Variants in MYO9A observed in about 807,000 individuals in gnomAD.
MYO9A encodes myosin IXA.
A neutral mutation model predicts 293.3 loss-of-function variants in MYO9A; 103 were observed. The observed-to-expected ratio is 0.35, with a 90% CI of 0.30 to 0.41. The LOEUF (loss-of-function observed/expected upper bound fraction) is 0.41, where lower values mean the gene tolerates loss of function less well. Among genes scored for constraint, MYO9A ranks in the 10% least tolerant of loss-of-function variants. The pLI, the probability that MYO9A is intolerant of heterozygous loss-of-function variation, is 1.00. For synonymous variants in MYO9A, 1,001 were observed against 1,035.7 expected (o/e 0.97, Z 0.64); for missense variants, 2,685 against 3,033.0 (o/e 0.89, Z 2.69).
At chr15:72,028,313 T>A (rs763615968) in intron 3 of MYO9A, among the ~76,000 whole-genome samples, 2 of 149,602 alleles carry the variant, frequency 1.3e-5, no homozygotes. Context: ...ATTCATATGG[T>A]CACGAGTCTT....
intron 8 of MYO9A, 92 bp downstream of exon 8, chr15:72,007,734 A>C: frequency 1.7e-6 from 2 of 1,198,804 alleles, no homozygotes; most frequent in South Asian, 3.7e-5. Flanking sequence ...ATTAACAGAA[A>C]GCATTAACCC....
intron 1 of MYO9A, among the ~76,000 whole-genome samples, chr15:72,050,641 A>G (rs1380421415): frequency 2.0e-5 from 3 of 151,132 alleles, no homozygotes; most frequent in Non-Finnish European, 2.9e-5. Context: ...CAAACAAACA[A>G]ACAAAATTTT....
At chr15:72,104,123 A>ATGC (rs1188394290) in intron 1 of MYO9A, among the ~76,000 whole-genome samples, 4 of 152,186 alleles carry the variant, frequency 2.6e-5, no homozygotes, top group African/African-American at 9.7e-5. Context: ...GGCTAGCAAT[A>ATGC]TGCAGTATGA....
chr15:72,008,869 T>C (rs2077094539), intron 7 of MYO9A, among the ~76,000 whole-genome samples: 1 of 152,126 alleles, frequency 6.6e-6, no homozygotes, highest in Non-Finnish European at 1.5e-5. Flanking sequence ...CTTACAAAAT[T>C]TGGCTTATGA....
intron 12 of MYO9A, among the ~76,000 whole-genome samples, chr15:71,977,241 GT>G (rs1233423409): frequency 1.3e-5 from 2 of 152,002 alleles, no homozygotes; most frequent in Non-Finnish European, 2.9e-5. Flanking sequence ...TTTCTGTTTT[GT>G]TTTTTTGGAG....
At chr15:72,088,477 C>G (rs2079811224) in intron 1 of MYO9A, among the ~76,000 whole-genome samples, 1 of 152,170 alleles carries the variant, frequency 6.6e-6, no homozygotes, top group Non-Finnish European at 1.5e-5. Flanking sequence ...GATCTCTGCT[C>G]TTAGTATTTA....
At chr15:72,027,891 A>G in intron 3 of MYO9A, 98 bp from the exon 4 acceptor site, 1 of 881,212 alleles carries the variant, frequency 1.1e-6, no homozygotes, top group Non-Finnish European at 1.8e-6. Flanking sequence ...AATACTATCC[A>G]GATCATTTCA....
At chr15:72,067,370 C>T (rs1011526130) in intron 1 of MYO9A, among the ~76,000 whole-genome samples, 3 of 151,866 alleles carry the variant, frequency 2.0e-5, no homozygotes, top group South Asian at 2.1e-4. Context: ...AGTCCAGTGG[C>T]GCAGTATCGA....
chr15:71,882,745 TGC>T (rs1216658503), intron 28 of MYO9A, among the ~76,000 whole-genome samples: 21 of 152,338 alleles, frequency 1.4e-4, no homozygotes, highest in South Asian at 2.1e-4. Flanking sequence ...GGAGCAGGAC[TGC>T]CTAGATTCAA....
At chr15:72,092,634 ATC>A (rs1202175498) in intron 1 of MYO9A, among the ~76,000 whole-genome samples, 3 of 152,174 alleles carry the variant, frequency 2.0e-5, no homozygotes, top group South Asian at 4.1e-4. Context: ...AGGCAATATG[ATC>A]TCTGTTGTAA....
rs2054411364 is a variant in MYO9A, at chr15:71,824,965, A to AAAG, written c.*1612_*1614dup. 1 of 151,248 alleles carries AAAG rather than the reference A, an allele frequency of 6.6e-6. No individual in the cohort carries two copies. The highest frequency in any genetic ancestry group is 2.4e-5 in the African/African-American group (1 of 41,182). 9.4% of individuals were successfully genotyped at this position (151,248 alleles called of 1,614,324 possible). A position where few individuals can be genotyped will look rare whatever the true frequency, so the allele number is the denominator to read the frequency against. ...AAAGACTTAATATTTCCACAACTTCAAAGAAGTATGAAAAGGAAGAATACC... is the reference window on the plus strand; with the variant it reads ...AAAGACTTAATATTTCCACAACTTCAAAGAAGAAGTATGAAAAGGAAGAATACC... On this transcript the variant is annotated 3_prime_UTR_variant, in exon 42 of 42. Coordinates refer to ENST00000356056, the MANE Select transcript of MYO9A (RefSeq NM_006901.4).
At chr15:71,941,964 A>T (rs973707804) in intron 15 of MYO9A, among the ~76,000 whole-genome samples, 1 of 152,130 alleles carries the variant, frequency 6.6e-6, no homozygotes, top group Non-Finnish European at 1.5e-5. Flanking sequence ...ATATGTCTGC[A>T]AAATGACTCA....
chr15:71,873,207 C>T (rs2056575327), intron 32 of MYO9A, among the ~76,000 whole-genome samples: 1 of 152,000 alleles, frequency 6.6e-6, no homozygotes, highest in South Asian at 2.1e-4. Context: ...GTGTGAACCA[C>T]CGCGCCTGGC....
At chr15:72,047,106 G>A (rs2078408730) in intron 1 of MYO9A, among the ~76,000 whole-genome samples, 1 of 152,122 alleles carries the variant, frequency 6.6e-6, no homozygotes, top group South Asian at 2.1e-4. Context: ...GTTAAAAACA[G>A]CAAGAAGATA....
chr15:71,851,428 C>G, intron 36 of MYO9A, 70 bp from the exon 37 acceptor site: 1 of 1,247,084 alleles, frequency 8.0e-7, no homozygotes, highest in South Asian at 1.5e-5. Flanking sequence ...CTCCCAGACA[C>G]TATGAAGCAA....
chr15:71,918,635 C>T (rs2058074426), intron 18 of MYO9A, among the ~76,000 whole-genome samples: 1 of 152,076 alleles, frequency 6.6e-6, no homozygotes, highest in Non-Finnish European at 1.5e-5. Context: ...ATTTTTCATA[C>T]TGGTCAAGAA....
intron 32 of MYO9A, among the ~76,000 whole-genome samples, chr15:71,871,943 C>G (rs529770106): frequency 6.6e-6 from 1 of 151,394 alleles, no homozygotes; most frequent in Non-Finnish European, 1.5e-5. Flanking sequence ...TGATTTTATA[C>G]GGACACTGTA....
At chr15:72,112,243 C>T (rs1358868512) in intron 1 of MYO9A, among the ~76,000 whole-genome samples, 1 of 152,092 alleles carries the variant, frequency 6.6e-6, no homozygotes, top group Non-Finnish European at 1.5e-5. Context: ...AAAACACACA[C>T]AATTTTTAGC....
intron 14 of MYO9A, chr15:71,958,745 T>A (rs1382002282): frequency 1.3e-5 from 2 of 152,160 alleles, no homozygotes; most frequent in African/African-American, 4.8e-5. Flanking sequence ...GAAAACAAGA[T>A]TAGAAAATAA....
Sources: allele counts gnomAD v4.1 joint callset (sites outside exome capture counted in the v4.1 genomes callset), GRCh38; gene constraint gnomAD v4.1.1; transcripts MANE v1.5; gene names NCBI Gene and HGNC (gene_info 2026-07-23, HGNC 2026-07-21).